ZNF792: variants seen among roughly 807,000 people sequenced by gnomAD.
ZNF792 encodes the protein zinc finger protein 792.
Under a neutral mutation model 13.1 loss-of-function variants are expected in ZNF792, and 14 were observed. The ratio of observed to expected loss-of-function variants is 1.07; its 90% CI spans 0.71 to 1.67. The LOEUF (loss-of-function observed/expected upper bound fraction) is 1.67, where lower values mean the gene tolerates loss of function less well. Ranked by LOEUF, ZNF792 falls within the 40% of genes most tolerant of loss-of-function variation. ZNF792 has a pLI of 0.00. For missense variants in ZNF792, 740 were observed against 807.9 expected, an observed-to-expected ratio of 0.92 and a Z score of 1.02; for synonymous variants, 257 against 292.0, an observed-to-expected ratio of 0.88 and a Z score of 1.22.
rs1568551559 is a variant in ZNF792, at chr19:34,958,147, CT to C, written c.1707del (p.Ala570ProfsTer35). ...ATGAGGGTAGGCCTTTGGTTGAAGG[CT>C]TTCCCACATTCGCTGCATTCGTAAG... ...DRPYECSECGKAFNQRPTLIR... is the reference protein window; with the variant it reads ...DRPYECSECGXAFNQRPTLIR... On this transcript the variant is annotated frameshift_variant, in exon 4 of 4. Transcript: ENST00000404801. LOFTEE classifies it low-confidence loss of function (END_TRUNC). 2 of 1,613,792 alleles carry C rather than the reference CT, an allele frequency of 1.2e-6. No homozygotes were observed. Among genetic ancestry groups the C allele is most frequent in the South Asian group, 1.1e-5 (1 of 91,054 alleles).
Position 34,959,551 on chromosome 19 carries a change from C to T in ZNF792, c.304G>A (p.Gly102Ser). The change falls in exon 4 of 4, where the codon GGC (glycine) becomes AGC (serine). Residue 102 changes from glycine (G) to serine (S), a missense_variant. Coordinates refer to ENST00000404801, the MANE Select transcript of ZNF792 (RefSeq NM_175872.5). ...TTATGCTCAGAAGGTAAGTCCTTGC[C>T]CTCTGTTCCATGGCAAAAATCTGAA... is the stretch of plus-strand genomic sequence containing the variant. ...PGSDFCHGTE[G>S]KDLPSEHNVS... 1.3e-5 allele frequency: 20 copies of T among 1,528,490 alleles called. No homozygotes were observed. Among genetic ancestry groups the T allele is most frequent in the Non-Finnish European group, 1.7e-5 (19 of 1,139,720 alleles). The allele number at this position is 1,528,490 out of a possible 1,614,324, so 94.7% of individuals were successfully genotyped here.
In ZNF792 at chr19:34,959,223, G is replaced by T; in HGVS notation, c.632C>A (p.Thr211Asn). Residue 211 changes from threonine to asparagine, a missense_variant, in exon 4 of 4, where the codon ACC (threonine) becomes AAC (asparagine). Physicochemically the swap from Thr to Asn is moderately conservative, Grantham distance 65 (BLOSUM62 0). Transcript: ENST00000404801. ...CRDHTSDQLSTCREGGKDFVA... is the reference protein window; with the variant it reads ...CRDHTSDQLSNCREGGKDFVA... Reference sequence around the variant, plus strand: ...AAAGTCCTTCCCACCCTCCCTGCAGGTGGAAAGCTGATCTGATGTGTGGTC... The same window carrying T: ...AAAGTCCTTCCCACCCTCCCTGCAGTTGGAAAGCTGATCTGATGTGTGGTC... 6.2e-7 allele frequency: 1 copy of T among 1,614,024 alleles called. No individual in the cohort carries two copies. Among genetic ancestry groups the T allele is most frequent in the Non-Finnish European group, 8.5e-7 (1 of 1,179,892 alleles).
chr19:34,961,079 C>A, intron 1 of ZNF792, 85 bp from the exon 2 acceptor site: 2 of 1,529,610 alleles, frequency 1.3e-6, no homozygotes, highest in East Asian at 2.3e-5. Context: ...TCCTCCCCAG[C>A]TCCACAGCTC....
At position 34,963,698 on chromosome 19, in the gene ZNF792, GGA is replaced by G; in HGVS notation, c.-38_-37del. The stretch of plus-strand genomic sequence containing the variant: ...GGTCAGAGCAGGGCCCCACGGTGCG[GGA>G]AACCACGGGGCGGGGGTAGGGGGTC... On this transcript the variant is annotated 5_prime_UTR_variant, in exon 1 of 4. Coordinates refer to ENST00000404801, the MANE Select transcript of ZNF792 (RefSeq NM_175872.5). 6.4e-7 allele frequency: 1 copy of G among 1,559,334 alleles called. No homozygotes were observed. Among genetic ancestry groups the G allele is most frequent in the South Asian group, 1.2e-5 (1 of 84,744 alleles).
rs780655400 is a variant in ZNF792 at position 34,960,854 on chromosome 19, G to A, written c.160+14C>T. ...GAGGAGCTCGGGACACCGGGGTAGG[G>A]GTGACAGCCTTACCCAGCGAGGCTA... On this transcript the variant is annotated intron_variant, in intron 2 of 3. Transcript: ENST00000404801. 12 of 1,613,930 alleles carry A rather than the reference G, an allele frequency of 7.4e-6. No individual in the cohort carries two copies. The highest frequency in any genetic ancestry group is 1.0e-5 in the Non-Finnish European group (12 of 1,179,888).
intron 1 of ZNF792, 61 bp from the exon 2 acceptor site, chr19:34,961,055 T>A: frequency 6.4e-7 from 1 of 1,560,312 alleles, no homozygotes; most frequent in Non-Finnish European, 8.7e-7. Flanking sequence ...TCCCTATCCA[T>A]CCCCTGCTCA....
At chr19:34,962,028 G>A (rs1003707704) in intron 1 of ZNF792, among the ~76,000 whole-genome samples, 1 of 152,012 alleles carries the variant, frequency 6.6e-6, no homozygotes, top group African/African-American at 2.4e-5. Context: ...TCACCACCAT[G>A]ACCACTACTG....
Position 34,957,967 on chromosome 19 carries a change from C to G in ZNF792, c.1888G>C (p.Glu630Gln), listed in dbSNP as rs1412721419. Reference protein sequence around the residue: ...KLVHPSTHPGEVP With the variant: ...KLVHPSTHPGQVP The stretch of plus-strand genomic sequence containing the variant: ...CACAGCTAGCATTCCTAGGGAACCT[C>G]CCCAGGGTGGGTACTTGGATGAACA... The change falls in exon 4 of 4, where the codon GAG (glutamate) becomes CAG (glutamine). Residue 630 changes from glutamate to glutamine, a missense_variant. Coordinates refer to ENST00000404801, the MANE Select transcript of ZNF792 (RefSeq NM_175872.5). The G allele has an allele frequency of 3.7e-6, 6 of 1,605,086 alleles. No homozygotes were observed. The highest frequency in any genetic ancestry group is 4.3e-6 in the Non-Finnish European group (5 of 1,174,140).
intron 3 of ZNF792, among the ~76,000 whole-genome samples, chr19:34,959,927 T>G (rs1040556397): frequency 3.3e-5 from 5 of 152,190 alleles, no homozygotes; most frequent in Admixed American, 2.0e-4. Context: ...ACTGAGTAGC[T>G]GGTGTTCAAG....
At chr19:34,960,447 A>G (rs530382059) in intron 2 of ZNF792, 90 bp from the exon 3 acceptor site, 2 of 1,509,728 alleles carry the variant, frequency 1.3e-6, no homozygotes, top group African/African-American at 2.7e-5. Flanking sequence ...TCCGTATGAC[A>G]CAGGGACATT....
rs763244201 is a variant in ZNF792, at chr19:34,959,361, T to C, written c.494A>G (p.Tyr165Cys). 25 of 1,614,008 alleles carry C rather than the reference T, an allele frequency of 1.5e-5. No homozygotes were observed. The highest frequency in any genetic ancestry group is 2.1e-5 in the Non-Finnish European group (25 of 1,179,968). ...TGCACTGAACTCAGAGCCTTTCACA[T>C]ATGCCTCACACACAAATGGTTTCTG... ...PRQKPFVCEA[Y>C]VKGSEFSANL... Residue 165 changes from tyrosine to cysteine, a missense_variant, in exon 4 of 4, where the codon TAT becomes TGT. Physicochemically the swap from Tyr to Cys is radical, Grantham distance 194. Transcript: ENST00000404801.
In ZNF792 at chr19:34,957,748, C is replaced by T; in HGVS notation, c.*208G>A. ...GACATCTTCCCAAGGCTTCAGACTACTCCTAATTCCCTTTAGGGATTGGAA... is the reference window on the plus strand; with the variant it reads ...GACATCTTCCCAAGGCTTCAGACTATTCCTAATTCCCTTTAGGGATTGGAA... On this transcript the variant is annotated 3_prime_UTR_variant, in exon 4 of 4. Coordinates refer to ENST00000404801, the MANE Select transcript of ZNF792 (RefSeq NM_175872.5). 1.8e-6 allele frequency: 1 copy of T among 551,528 alleles called. No individual in the cohort carries two copies. Among genetic ancestry groups the T allele is most frequent in the Non-Finnish European group, 3.1e-6 (1 of 319,836 alleles). 34.2% of individuals were successfully genotyped at this position (551,528 alleles called of 1,614,324 possible).
chr19:34,960,591 G>A (rs1350560996), intron 2 of ZNF792: 1 of 685,600 alleles, frequency 1.5e-6, no homozygotes, highest in Non-Finnish European at 2.4e-6. Flanking sequence ...CACCCAGGAG[G>A]GAATGGCCGA....
Position 34,959,502 on chromosome 19 carries a change from T to C in ZNF792, c.353A>G (p.Gln118Arg). ...CAGAGTTGCCTCGGGACTCCTGTCCTGTGCCACTCCTTCTACAGAAACGTT... is the reference window on the plus strand; with the variant it reads ...CAGAGTTGCCTCGGGACTCCTGTCCCGTGCCACTCCTTCTACAGAAACGTT... ...EHNVSVEGVA[Q>R]DRSPEATLCP... The change falls in exon 4 of 4, where the codon CAG (glutamine) becomes CGG (arginine). Residue 118 changes from glutamine (Q) to arginine (R), a missense_variant. Gln to Arg is a conservative substitution (Grantham distance 43, BLOSUM62 1). Coordinates refer to ENST00000404801, the MANE Select transcript of ZNF792 (RefSeq NM_175872.5). 1 of 1,599,920 alleles carries C rather than the reference T, an allele frequency of 6.3e-7. No homozygotes were observed. The highest frequency in any genetic ancestry group is 8.5e-7 in the Non-Finnish European group (1 of 1,172,292).
chr19:34,958,605 G>A lies in ZNF792; in HGVS notation c.1250C>T (p.Thr417Ile). The A allele has an allele frequency of 6.2e-7, 1 of 1,611,750 alleles. No individual in the cohort carries two copies. The highest frequency in any genetic ancestry group is 8.5e-7 in the Non-Finnish European group (1 of 1,178,602). Reference protein sequence around the residue: ...SSLIKHWRVHTGERPYKCNEC... With the variant: ...SSLIKHWRVHIGERPYKCNEC... ...GTTACACTTGTAAGGTCTTTCTCCA[G>A]TGTGAACTCTCCAATGTTTAATTAG... The change falls in exon 4 of 4, where the codon ACT (threonine) becomes ATT (isoleucine). Residue 417 changes from threonine to isoleucine, a missense_variant. Physicochemically the swap from Thr to Ile is moderately conservative, Grantham distance 89. Transcript: ENST00000404801.
chr19:34,961,130 AC>A (rs997617627), intron 1 of ZNF792, 136 bp from the exon 2 acceptor site: 2 of 1,278,062 alleles, frequency 1.6e-6, no homozygotes, highest in African/African-American at 1.5e-5. Flanking sequence ...GCCTCATGTG[AC>A]CACTGTGTCA....
chr19:34,957,880 G>A lies in ZNF792; in HGVS notation c.*76C>T. The A allele has an allele frequency of 2.1e-6, 3 of 1,432,062 alleles. No individual in the cohort carries two copies. Among genetic ancestry groups the A allele is most frequent in the Non-Finnish European group, 2.8e-6 (3 of 1,072,944 alleles). The allele number at this position is 1,432,062 out of a possible 1,614,324, so 88.7% of individuals were successfully genotyped here. ...CATGGCTTCTATCACAACCCCAGCAGTGAAAAAACGCTGATAAACTCTACA... is the reference window on the plus strand; with the variant it reads ...CATGGCTTCTATCACAACCCCAGCAATGAAAAAACGCTGATAAACTCTACA... On this transcript the variant is annotated 3_prime_UTR_variant, in exon 4 of 4. Transcript: ENST00000404801.
chr19:34,963,326 C>T (rs751226401), intron 1 of ZNF792, among the ~76,000 whole-genome samples: 1 of 152,074 alleles, frequency 6.6e-6, no homozygotes, highest in Non-Finnish European at 1.5e-5. Flanking sequence ...CTTGAACACT[C>T]CCAACTCAGT....
rs1427693167 is a variant in ZNF792, at chr19:34,963,696, C to A, written c.-34G>T. 4.5e-6 allele frequency: 7 copies of A among 1,556,864 alleles called. No homozygotes were observed. The Middle Eastern group carries it at 6.9e-4, about 153-fold the overall frequency. Reference sequence around the variant, plus strand: ...GTGGTCAGAGCAGGGCCCCACGGTGCGGGAAACCACGGGGCGGGGGTAGGG... The same window carrying A: ...GTGGTCAGAGCAGGGCCCCACGGTGAGGGAAACCACGGGGCGGGGGTAGGG... On this transcript the variant is annotated 5_prime_UTR_variant, in exon 1 of 4. Coordinates refer to ENST00000404801, the MANE Select transcript of ZNF792 (RefSeq NM_175872.5).
Sources: allele counts gnomAD v4.1 joint callset (sites outside exome capture counted in the v4.1 genomes callset), GRCh38; gene constraint gnomAD v4.1.1; transcripts MANE v1.5; gene names NCBI Gene and HGNC (gene_info 2026-07-23, HGNC 2026-07-21).